RAB27A: variants seen among roughly 807,000 people sequenced by gnomAD.
RAB27A encodes the protein RAB27A, member RAS oncogene family, also known as ras-related protein Rab-27A.
RAB27A carries 17 observed loss-of-function variants against 20.8 expected under a neutral mutation model. The ratio of observed to expected loss-of-function variants is 0.82; its 90% CI spans 0.56 to 1.23. The LOEUF is 1.23. Ranked by LOEUF, RAB27A falls within the 50% of genes most tolerant of loss-of-function variation. RAB27A has a pLI of 0.00. For missense variants in RAB27A, 277 were observed against 266.7 expected (o/e 1.04, Z -0.27); for synonymous variants, 85 against 92.8 (o/e 0.92, Z 0.48).
At chr15:55,299,129 T>C (rs1236935252) in intron 2 of RAB27A, among the ~76,000 whole-genome samples, 1 of 152,148 alleles carries the variant, frequency 6.6e-6, no homozygotes, top group African/African-American at 2.4e-5. Flanking sequence ...ATTGGGGAAG[T>C]GATAAGTGTC....
intron 1 of RAB27A, among the ~76,000 whole-genome samples, chr15:55,271,591 A>G (rs781330192): frequency 5.9e-5 from 9 of 152,236 alleles, no homozygotes; most frequent in Non-Finnish European, 1.3e-4. Context: ...GTTTCTAGAA[A>G]TGGTCACCCC....
At chr15:55,279,553 C>T (rs1210552510) in intron 1 of RAB27A, among the ~76,000 whole-genome samples, 1 of 152,180 alleles carries the variant, frequency 6.6e-6, no homozygotes, top group Admixed American at 6.5e-5. Context: ...ATAGCCTGTA[C>T]ATCAAGATCA....
chr15:55,227,066 T>C (rs1895834811), intron 5 of RAB27A, among the ~76,000 whole-genome samples: 1 of 152,194 alleles, frequency 6.6e-6, no homozygotes, highest in African/African-American at 2.4e-5. Context: ...CTATTAAATA[T>C]ATAAAATCTT....
At chr15:55,302,092 G>A (rs1316012698) in intron 2 of RAB27A, among the ~76,000 whole-genome samples, 2 of 151,082 alleles carry the variant, frequency 1.3e-5, no homozygotes, top group African/African-American at 4.9e-5. Flanking sequence ...CAGGAGAATC[G>A]CTTGAACCCG....
At chr15:55,267,004 C>T (rs1278807502) in intron 2 of RAB27A, among the ~76,000 whole-genome samples, 1 of 152,076 alleles carries the variant, frequency 6.6e-6, no homozygotes, top group Non-Finnish European at 1.5e-5. Context: ...GAAGAGAGAA[C>T]AAAAATGTAA....
At chr15:55,280,583 G>T (rs12595377) in intron 1 of RAB27A, among the ~76,000 whole-genome samples, 73,286 of 149,966 alleles carry the variant, frequency 0.49, 20,934 homozygotes, top group African/African-American at 0.78. Context: ...TAGGTATACA[G>T]GTGCCATGTT....
Position 55,205,564 on chromosome 15 carries a change from ACCATTTGATCGCACCACT to A in RAB27A, c.591_608del (p.Val198_Gly203del). The A allele has an allele frequency of 1.2e-5, 20 of 1,614,166 alleles. No individual in the cohort carries two copies. Among genetic ancestry groups the A allele is most frequent in the Middle Eastern group, 1.6e-4 (1 of 6,062 alleles). Reference sequence around the variant, plus strand: ...CACTTAACTGATCCGTAGAGGCATGACCATTTGATCGCACCACTCCTTCAGGAATCCAGGACTTGTCCA... The same window carrying A: ...CACTTAACTGATCCGTAGAGGCATGACCTTCAGGAATCCAGGACTTGTCCA... On this transcript the variant is annotated inframe_deletion, in exon 7 of 7. Coordinates refer to ENST00000336787, the MANE Select transcript of RAB27A (RefSeq NM_183235.3).
chr15:55,274,736 C>T lies in RAB27A; in HGVS notation c.-142-4452G>A, dbSNP rs372818285. Among the ~76,000 whole-genome samples the T allele has an allele frequency of 7.8e-5, 11 of 141,656 alleles. No homozygotes were observed. The East Asian group carries it at 2.2e-3, about 29-fold the overall frequency. 92.9% of individuals were successfully genotyped at this position (141,656 alleles called of 152,430 possible). A position where few individuals can be genotyped will look rare whatever the true frequency, so the allele number is the denominator to read the frequency against. On this transcript the variant is annotated intron_variant, in intron 1 of 6. Transcript: ENST00000336787. The stretch of plus-strand genomic sequence containing the variant: ...GAAGTTGCAGTGAGCTGAGATTGCA[C>T]CACTGCACTCCAGCCTGGGTGACAC...
chr15:55,304,563 G>T (rs981789815), intron 2 of RAB27A, among the ~76,000 whole-genome samples: 1 of 151,794 alleles, frequency 6.6e-6, no homozygotes, highest in South Asian at 2.1e-4. Context: ...TCTACTTTCT[G>T]TCTCTAGACA....
chr15:55,230,493 C>T lies in RAB27A; in HGVS notation c.154-7G>A. 6.2e-7 allele frequency: 1 copy of T among 1,609,646 alleles called. No homozygotes were observed. Among genetic ancestry groups the T allele is most frequent in the South Asian group, 1.1e-5 (1 of 90,994 alleles). On this transcript the variant is annotated splice_polypyrimidine_tract_variant and splice_region_variant and intron_variant, in intron 3 of 6. Coordinates refer to ENST00000336787, the MANE Select transcript of RAB27A (RefSeq NM_183235.3). The stretch of plus-strand genomic sequence containing the variant: ...GCCCACTGGCTCTGTACACCTAAAA[C>T]AGCAAAGTGAAAGAGAAAACAAAAG...
At chr15:55,239,880 G>A (rs1390007553) in intron 2 of RAB27A, among the ~76,000 whole-genome samples, 1 of 152,100 alleles carries the variant, frequency 6.6e-6, no homozygotes, top group African/African-American at 2.4e-5. Flanking sequence ...TGTTGAGGGC[G>A]ACAGCCTTCT....
At chr15:55,222,917 C>A (rs951798239) in intron 6 of RAB27A, among the ~76,000 whole-genome samples, 1 of 152,060 alleles carries the variant, frequency 6.6e-6, no homozygotes, top group Non-Finnish European at 1.5e-5. Flanking sequence ...GTAAAAATTC[C>A]TTTTAGAGGC....
At chr15:55,209,579 T>C (rs1234128635) in intron 6 of RAB27A, among the ~76,000 whole-genome samples, 3 of 152,042 alleles carry the variant, frequency 2.0e-5, no homozygotes, top group Non-Finnish European at 2.9e-5. Context: ...CTCTTGTGGA[T>C]AGTGCTGCAA....
chr15:55,279,593 A>G (rs894185136), intron 1 of RAB27A, among the ~76,000 whole-genome samples: 16 of 152,174 alleles, frequency 1.1e-4, no homozygotes, highest in Admixed American at 9.2e-4. Flanking sequence ...TCAGATACCA[A>G]ATCTGTAAAA....
intron 2 of RAB27A, among the ~76,000 whole-genome samples, chr15:55,245,940 A>C (rs534823646): frequency 3.9e-5 from 6 of 152,212 alleles, no homozygotes; most frequent in Admixed American, 1.3e-4. Context: ...TACTTTACTA[A>C]CAATACAAAA....
At chr15:55,254,976 A>G (rs1339615828) in intron 2 of RAB27A, among the ~76,000 whole-genome samples, 1 of 152,254 alleles carries the variant, frequency 6.6e-6, no homozygotes, top group Admixed American at 6.5e-5. Context: ...ATGCACAAAA[A>G]TACGTTAAAG....
At chr15:55,220,609 C>A (rs1441015745) in intron 6 of RAB27A, among the ~76,000 whole-genome samples, 1 of 152,080 alleles carries the variant, frequency 6.6e-6, no homozygotes, top group African/African-American at 2.4e-5. Context: ...TAGAAGACAG[C>A]ATAATAGTAA....
intron 2 of RAB27A, among the ~76,000 whole-genome samples, chr15:55,236,478 G>C (rs760738153): frequency 1.3e-5 from 2 of 152,074 alleles, no homozygotes; most frequent in Non-Finnish European, 2.9e-5. Context: ...TGTTTACCTG[G>C]GTACTCTATC....
chr15:55,252,431 T>C (rs1896923668), intron 2 of RAB27A, among the ~76,000 whole-genome samples: 1 of 151,428 alleles, frequency 6.6e-6, no homozygotes, highest in Non-Finnish European at 1.5e-5. Context: ...GGAAACCCCA[T>C]CTCTACTAAA....
Sources: allele counts gnomAD v4.1 joint callset (sites outside exome capture counted in the v4.1 genomes callset), GRCh38; gene constraint gnomAD v4.1.1; transcripts MANE v1.5; gene names NCBI Gene and HGNC (gene_info 2026-07-23, HGNC 2026-07-21).